The following COBL variants were observed in gnomAD, a reference collection of about 807,000 sequenced individuals.
COBL encodes the protein protein cordon-bleu.
A neutral mutation model predicts 98.8 loss-of-function variants in COBL; 51 were observed. The observed-to-expected ratio is 0.52, with a 90% confidence interval of 0.41 to 0.65. COBL has a LOEUF of 0.65. Among genes scored for constraint, COBL ranks in the 30% least tolerant of loss-of-function variants. The pLI is 0.00. For synonymous variants in COBL, 634 were observed against 651.7 expected, an observed-to-expected ratio of 0.97 and a Z score of 0.41; for missense variants, 1,617 against 1,617.5, an observed-to-expected ratio of 1.00 and a Z score of 0.01.
At position 51,293,917 on chromosome 7, in the gene COBL, C is replaced by T. The variant is rs77279576; in HGVS notation, c.41+22676G>A. On this transcript the variant is annotated intron_variant, in intron 1 of 12. Transcript: ENST00000265136. The stretch of plus-strand genomic sequence containing the variant: ...GGTCGTCCCATGCTCGGTAAGGGTG[C>T]TGGATCATGCACAGTGCTCCCAGTA... Among the ~76,000 whole-genome samples, 1,165 of 152,178 alleles carry T rather than the reference C, an allele frequency of 7.7e-3. 59 individuals are homozygous for T. The South Asian group carries it at 0.13, about 17-fold the overall frequency.
intron 2 of COBL, among the ~76,000 whole-genome samples, chr7:51,213,746 C>G (rs1399686070): frequency 6.6e-6 from 1 of 151,982 alleles, no homozygotes; most frequent in Admixed American, 6.6e-5. Flanking sequence ...GAAGCCACAT[C>G]GCCGGAAACA....
chr7:51,263,899 T>TA (rs1440622674), intron 1 of COBL, among the ~76,000 whole-genome samples: 6 of 152,238 alleles, frequency 3.9e-5, no homozygotes, highest in Admixed American at 3.9e-4. Context: ...GGACAGGAGA[T>TA]AACTAAAGTT....
At chr7:51,168,122 G>A (rs1787500877) in intron 5 of COBL, among the ~76,000 whole-genome samples, 1 of 152,090 alleles carries the variant, frequency 6.6e-6, no homozygotes, top group African/African-American at 2.4e-5. Flanking sequence ...AAAATGAAGA[G>A]ACAACCCAGA....
intron 1 of COBL, among the ~76,000 whole-genome samples, chr7:51,226,370 G>A (rs752924136): frequency 1.7e-4 from 26 of 152,164 alleles, no homozygotes; most frequent in Non-Finnish European, 3.4e-4. Flanking sequence ...TTTACAAGCG[G>A]TACATAAGCT....
At chr7:51,241,658 C>T (rs988729034) in intron 1 of COBL, among the ~76,000 whole-genome samples, 10 of 152,328 alleles carry the variant, frequency 6.6e-5, no homozygotes, top group Middle Eastern at 6.8e-3. Context: ...CAAATGAACA[C>T]GTATGGCAAG....
At chr7:51,069,117 C>A (rs2128921128) in intron 7 of COBL, among the ~76,000 whole-genome samples, 1 of 152,316 alleles carries the variant, frequency 6.6e-6, no homozygotes, top group Non-Finnish European at 1.5e-5. Context: ...GCATTCCCTG[C>A]ACAGCTCTGC....
intron 5 of COBL, among the ~76,000 whole-genome samples, chr7:51,146,231 CT>C (rs1267790462): frequency 6.6e-6 from 1 of 152,218 alleles, no homozygotes; most frequent in East Asian, 1.9e-4. Context: ...AACTGAATGG[CT>C]TTTGTCTGTT....
chr7:51,031,154 C>G (rs1004153571), intron 8 of COBL: 1 of 464,022 alleles, frequency 2.2e-6, no homozygotes, highest in South Asian at 3.7e-5. Context: ...GAGTATATGT[C>G]TTGTATGTGG....
At chr7:51,299,477 T>C (rs937777814) in intron 1 of COBL, among the ~76,000 whole-genome samples, 12 of 152,264 alleles carry the variant, frequency 7.9e-5, no homozygotes, top group Middle Eastern at 3.4e-3. Context: ...TGGTTAATAA[T>C]CCCTAGCATA....
At position 51,251,935 on chromosome 7, in the gene COBL, A is replaced by G. The variant is rs1196215555; in HGVS notation, c.42-31991T>C. ...TGCTGAAAAAACAGTTCTGCACTCT[A>G]AAGTCCTTTAGCACATGTCTCCTAA... is the stretch of plus-strand genomic sequence containing the variant. On this transcript the variant is annotated intron_variant, in intron 1 of 12. Coordinates refer to ENST00000265136, the MANE Select transcript of COBL (RefSeq NM_015198.5). 2.0e-5 allele frequency among the ~76,000 whole-genome samples: 3 copies of G among 149,910 alleles called. No individual in the cohort carries two copies. In the East Asian group the frequency reaches 6.5e-4, roughly 32 times the overall value.
chr7:51,257,518 C>T (rs1258312962), intron 1 of COBL, among the ~76,000 whole-genome samples: 1 of 152,104 alleles, frequency 6.6e-6, no homozygotes, highest in Non-Finnish European at 1.5e-5. Context: ...TCCAGAATAC[C>T]GTCAAGCAAT....
At chr7:51,126,164 C>G (rs765852719) in intron 6 of COBL, among the ~76,000 whole-genome samples, 15 of 152,146 alleles carry the variant, frequency 9.9e-5, no homozygotes, top group Non-Finnish European at 1.8e-4. Context: ...CCCATCTCAA[C>G]TAGAAATATA....
chr7:51,242,586 C>A (rs933416378), intron 1 of COBL, among the ~76,000 whole-genome samples: 3 of 152,132 alleles, frequency 2.0e-5, no homozygotes, highest in Admixed American at 6.5e-5. Flanking sequence ...CCCTGCTATA[C>A]GCCAATTCCT....
intron 8 of COBL, among the ~76,000 whole-genome samples, chr7:51,038,232 C>A (rs1171973899): frequency 6.6e-6 from 1 of 152,222 alleles, no homozygotes. Flanking sequence ...AATGCCTTGG[C>A]TCCAAGGACA....
intron 2 of COBL, among the ~76,000 whole-genome samples, chr7:51,212,601 G>C (rs924032404): frequency 1.7e-4 from 26 of 152,190 alleles, no homozygotes; most frequent in African/African-American, 6.0e-4. Context: ...GGCCGTTCTT[G>C]AGCCGCTGAC....
chr7:51,086,097 T>C (rs1261553306), intron 6 of COBL, among the ~76,000 whole-genome samples: 1 of 152,100 alleles, frequency 6.6e-6, no homozygotes, highest in Non-Finnish European at 1.5e-5. Flanking sequence ...ATAATCCTAC[T>C]CTCCTCTCCT....
At chr7:51,053,945 C>T (rs957471405) in intron 7 of COBL, among the ~76,000 whole-genome samples, 2 of 152,246 alleles carry the variant, frequency 1.3e-5, no homozygotes, top group African/African-American at 4.8e-5. Flanking sequence ...CTTTGGGAGG[C>T]CGAGGTGGGT....
At chr7:51,187,694 CA>C (rs1427367985) in intron 4 of COBL, among the ~76,000 whole-genome samples, 1 of 152,184 alleles carries the variant, frequency 6.6e-6, no homozygotes, top group Non-Finnish European at 1.5e-5. Context: ...AGCCACACAG[CA>C]AATTCTCCTA....
At chr7:51,021,709 A>G (rs1166395391) in intron 12 of COBL, among the ~76,000 whole-genome samples, 1 of 152,258 alleles carries the variant, frequency 6.6e-6, no homozygotes, top group Non-Finnish European at 1.5e-5. Context: ...TTCGCATGCC[A>G]TAATATACAC....
Sources: gnomAD v4.1 joint callset for allele counts (sites outside exome capture counted in the v4.1 genomes callset) on GRCh38, gnomAD v4.1.1 for gene constraint, MANE v1.5 for transcripts, NCBI Gene and HGNC (gene_info 2026-07-23, HGNC 2026-07-21) for gene names.